PLEK: variants seen among roughly 807,000 people sequenced by gnomAD.
PLEK encodes platelet 47 kDa protein.
A neutral mutation model predicts 43.9 loss-of-function variants in PLEK; 25 were observed. The observed-to-expected ratio is 0.57, with a 90% CI of 0.41 to 0.79. The LOEUF (loss-of-function observed/expected upper bound fraction) is 0.79, where lower values mean the gene tolerates loss of function less well. PLEK is among the 30% of genes least tolerant of loss of function. PLEK has a pLI of 0.00. For synonymous variants in PLEK, 152 were observed against 144.4 expected, an observed-to-expected ratio of 1.05 and a Z score of -0.38; for missense variants, 396 against 413.3, an observed-to-expected ratio of 0.96 and a Z score of 0.36.
At chr2:68,384,413 C>T (rs773209643) in intron 4 of PLEK, among the ~76,000 whole-genome samples, 12 of 151,932 alleles carry the variant, frequency 7.9e-5, no homozygotes, top group Non-Finnish European at 1.2e-4. Context: ...TTAGTAGATT[C>T]GGGGTTTCAC....
At chr2:68,367,073 C>T (rs1673289998) in intron 1 of PLEK, among the ~76,000 whole-genome samples, 1 of 152,074 alleles carries the variant, frequency 6.6e-6, no homozygotes, top group Non-Finnish European at 1.5e-5. Flanking sequence ...GAGAGTAGTT[C>T]TCTCAGATTG....
intron 4 of PLEK, 89 bp downstream of exon 4, chr2:68,382,722 G>A: frequency 1.4e-6 from 1 of 734,220 alleles, no homozygotes; most frequent in Non-Finnish European, 2.4e-6. Flanking sequence ...GGGGTATGAA[G>A]TATGGGGGTT....
Position 68,380,743 on chromosome 2 carries a change from G to T in PLEK, c.219G>T (p.Thr73=). The T allele has an allele frequency of 6.2e-7, 1 of 1,613,714 alleles. No homozygotes were observed. The highest frequency in any genetic ancestry group is 1.1e-5 in the South Asian group (1 of 91,024). ...GKRMFVFKIT[T]TKQQDHFFQA... is the part of the protein sequence containing the mutation. ...TTCAGTTTGTGTTTAAGATCACTAC[G>T]ACCAAACAGCAGGACCACTTCTTCC... Residue 73 remains threonine, a synonymous_variant, in exon 3 of 9, where the codon ACG becomes ACT. Transcript: ENST00000234313.
chr2:68,388,225 C>T (rs1004614583), intron 5 of PLEK, 162 bp from the exon 6 acceptor site: 11 of 540,766 alleles, frequency 2.0e-5, no homozygotes, highest in African/African-American at 1.1e-4. Flanking sequence ...AGGAGAAACT[C>T]GCTCATCAAG....
intron 1 of PLEK, among the ~76,000 whole-genome samples, chr2:68,379,761 T>C (rs1431815821): frequency 1.3e-5 from 2 of 152,186 alleles, no homozygotes; most frequent in Non-Finnish European, 2.9e-5. Flanking sequence ...TGATAGCTGC[T>C]AGCATTTGGC....
intron 8 of PLEK, among the ~76,000 whole-genome samples, chr2:68,395,122 A>G (rs1419205315): frequency 6.6e-6 from 1 of 152,032 alleles, no homozygotes; most frequent in Non-Finnish European, 1.5e-5. Flanking sequence ...GATGAAAAAC[A>G]GTTCAGGCTA....
intron 3 of PLEK, among the ~76,000 whole-genome samples, chr2:68,381,477 A>G (rs982959577): frequency 6.6e-6 from 1 of 152,008 alleles, no homozygotes; most frequent in African/African-American, 2.4e-5. Flanking sequence ...TGGGAATGGG[A>G]TTTCTTCCTT....
Position 68,370,477 on chromosome 2 carries a change from TTTTTA to T in PLEK, c.42+5093_42+5097del, listed in dbSNP as rs1309163244. 3.9e-5 allele frequency among the ~76,000 whole-genome samples: 6 copies of T among 152,162 alleles called. No individual in the cohort carries two copies. In the South Asian group the frequency reaches 1.0e-3, roughly 26 times the overall value. ...AGGGTCTTGTTTATTTTTGTTTTTA[TTTTTA>T]TTTTATTTATTTATGTATTTTGAGA... is the stretch of plus-strand genomic sequence containing the variant. On this transcript the variant is annotated intron_variant, in intron 1 of 8. Coordinates refer to ENST00000234313, the MANE Select transcript of PLEK (RefSeq NM_002664.3).
At chr2:68,372,591 G>C (rs1284248603) in intron 1 of PLEK, among the ~76,000 whole-genome samples, 3 of 152,060 alleles carry the variant, frequency 2.0e-5, no homozygotes, top group Non-Finnish European at 4.4e-5. Flanking sequence ...ATGATGAACA[G>C]GTATTTACCA....
intron 1 of PLEK, among the ~76,000 whole-genome samples, chr2:68,369,320 G>A (rs574742846): frequency 1.3e-5 from 2 of 152,282 alleles, no homozygotes; most frequent in South Asian, 4.1e-4. Context: ...CAACCCAGCA[G>A]TGTGGCCCCA....
chr2:68,366,329 T>G (rs989054905), intron 1 of PLEK, among the ~76,000 whole-genome samples: 1 of 152,240 alleles, frequency 6.6e-6, no homozygotes, highest in African/African-American at 2.4e-5. Context: ...ATGTTCTACC[T>G]GTAAGGGGGG....
At chr2:68,369,277 G>T (rs1489306280) in intron 1 of PLEK, among the ~76,000 whole-genome samples, 1 of 152,186 alleles carries the variant, frequency 6.6e-6, no homozygotes, top group African/African-American at 2.4e-5. Flanking sequence ...CTTGTCCAAA[G>T]TCACACAGTT....
chr2:68,395,035 G>T (rs550036211), intron 8 of PLEK, among the ~76,000 whole-genome samples: 97 of 152,130 alleles, frequency 6.4e-4, no homozygotes, highest in Middle Eastern at 6.8e-3. Context: ...TATTTGATTT[G>T]TGATGTTTTA....
intron 4 of PLEK, among the ~76,000 whole-genome samples, 187 bp from the exon 5 acceptor site, chr2:68,386,315 G>GT (rs1458873021): frequency 2.0e-5 from 3 of 151,972 alleles, no homozygotes; most frequent in African/African-American, 4.8e-5. Flanking sequence ...CCTTTACATA[G>GT]TTTTTTGTTT....
At chr2:68,386,744 A>G in intron 5 of PLEK, 58 bp downstream of exon 5, 2 of 1,363,142 alleles carry the variant, frequency 1.5e-6, no homozygotes, top group Non-Finnish European at 2.1e-6. Context: ...AGCAGATTCT[A>G]GATTGATTTC....
intron 4 of PLEK, among the ~76,000 whole-genome samples, chr2:68,384,078 C>T (rs925257647): frequency 2.0e-5 from 3 of 152,146 alleles, no homozygotes; most frequent in Non-Finnish European, 4.4e-5. Context: ...GACTTGGGCA[C>T]CCAATCCAGG....
At chr2:68,394,798 T>C (rs1673933232) in intron 8 of PLEK, among the ~76,000 whole-genome samples, 1 of 152,200 alleles carries the variant, frequency 6.6e-6, no homozygotes, top group Admixed American at 6.5e-5. Context: ...TGGGTGTAGT[T>C]TGACTTCTCA....
At chr2:68,393,331 GT>G (rs1673897478) in intron 7 of PLEK, 86 bp downstream of exon 7, 1 of 888,748 alleles carries the variant, frequency 1.1e-6, no homozygotes, top group Middle Eastern at 2.2e-4. Flanking sequence ...TCTCTACTCT[GT>G]TGATATCCCC....
chr2:68,375,768 G>C (rs1194361023), intron 1 of PLEK, among the ~76,000 whole-genome samples: 1 of 152,166 alleles, frequency 6.6e-6, no homozygotes, highest in African/African-American at 2.4e-5. Context: ...TTTTGTGGTA[G>C]TCATGACAGG....
Sources: gnomAD v4.1 joint callset for allele counts (sites outside exome capture counted in the v4.1 genomes callset) on GRCh38, gnomAD v4.1.1 for gene constraint, MANE v1.5 for transcripts, NCBI Gene and HGNC (gene_info 2026-07-23, HGNC 2026-07-21) for gene names.